Variants in ALX1 observed in about 807,000 individuals in gnomAD.
ALX1 encodes ALX homeobox 1, also known as ALX homeobox protein 1.
ALX1 carries 19 observed loss-of-function variants against 31.7 expected under a neutral mutation model. The ratio of observed to expected loss-of-function variants is 0.60; its 90% CI spans 0.42 to 0.88. The LOEUF is 0.88. Among genes scored for constraint, ALX1 ranks in the 40% least tolerant of loss-of-function variants. ALX1 has a pLI of 0.00. For missense variants in ALX1, 415 were observed against 407.8 expected (o/e 1.02, Z -0.15); for synonymous variants, 153 against 148.8 (o/e 1.03, Z -0.20).
chr12:85,301,232 C>T lies in ALX1; in HGVS notation c.738C>T (p.Ser246=). Residue 246 remains serine, a synonymous_variant, in exon 4 of 4, where the codon TCC becomes TCT. Transcript: ENST00000316824. The part of the protein sequence containing the change: ...VTSCMLPRDT[S]SCMTPYSHSP... ...CATGCATGTTACCACGTGACACTTC[C>T]TCCTGTATGACACCTTATTCTCACT... 1 of 1,613,966 alleles carries T rather than the reference C, an allele frequency of 6.2e-7. No individual in the cohort carries two copies. Among genetic ancestry groups the T allele is most frequent in the Non-Finnish European group, 8.5e-7 (1 of 1,179,940 alleles).
chr12:85,289,962 C>T (rs1346284132), intron 3 of ALX1, among the ~76,000 whole-genome samples: 3 of 150,746 alleles, frequency 2.0e-5, no homozygotes. Flanking sequence ...GATTTGGTGA[C>T]TGTTAATTAC....
At chr12:85,283,349 G>A (rs1248833210) in intron 1 of ALX1, among the ~76,000 whole-genome samples, 7 of 152,070 alleles carry the variant, frequency 4.6e-5, no homozygotes, top group South Asian at 2.1e-4. Context: ...ATAGAACTGC[G>A]GATTTTGGCA....
chr12:85,286,748 A>AT (rs1896753357), intron 2 of ALX1, 105 bp from the exon 3 acceptor site: 1 of 1,083,826 alleles, frequency 9.2e-7, no homozygotes, highest in African/African-American at 2.4e-5. Flanking sequence ...CTTTTTACGT[A>AT]ATTTTTTTAA....
intron 1 of ALX1, 42 bp downstream of exon 1, chr12:85,280,529 C>G (rs761123701): frequency 8.2e-6 from 13 of 1,593,704 alleles, no homozygotes; most frequent in African/African-American, 1.3e-5. Flanking sequence ...GCAGCCCTTC[C>G]GCAATCGAAA....
At chr12:85,296,691 A>G (rs1449335859) in intron 3 of ALX1, among the ~76,000 whole-genome samples, 1 of 151,624 alleles carries the variant, frequency 6.6e-6, no homozygotes, top group South Asian at 2.1e-4. Context: ...CCTTTTAAAC[A>G]CAACAAAGAA....
intron 3 of ALX1, among the ~76,000 whole-genome samples, chr12:85,300,634 G>A (rs980525312): frequency 2.6e-5 from 4 of 152,008 alleles, no homozygotes; most frequent in Admixed American, 2.6e-4. Flanking sequence ...AGCAATAGGA[G>A]GGCAAACATG....
intron 3 of ALX1, among the ~76,000 whole-genome samples, chr12:85,299,189 T>C (rs2137394358): frequency 6.6e-6 from 1 of 151,666 alleles, no homozygotes; most frequent in South Asian, 2.1e-4. Context: ...AAAGCTCTTT[T>C]ATCAGACATG....
At chr12:85,296,281 A>G (rs1049609540) in intron 3 of ALX1, among the ~76,000 whole-genome samples, 5 of 151,610 alleles carry the variant, frequency 3.3e-5, no homozygotes, top group African/African-American at 1.2e-4. Context: ...ATATATATCC[A>G]CAGTAAAAAA....
At position 85,301,286 on chromosome 12, in the gene ALX1, G is replaced by A. The variant is rs1175411052; in HGVS notation, c.792G>A (p.Gly264=). 14 of 1,613,968 alleles carry A rather than the reference G, an allele frequency of 8.7e-6. No individual in the cohort carries two copies. Among genetic ancestry groups the A allele is most frequent in the Admixed American group, 1.7e-5 (1 of 59,962 alleles). Residue 264 remains glycine, a synonymous_variant, in exon 4 of 4, where the codon GGG becomes GGA. Transcript: ENST00000316824. ...HSPRTDSSYT[G]FSNHQNQFSH... ...CTCGGACAGATTCCAGTTACACGGG[G>A]TTTTCAAACCACCAGAACCAGTTCA... is the stretch of plus-strand genomic sequence containing the variant.
rs537616276 is a variant in ALX1 at position 85,298,621 on chromosome 12, C to A, written c.661-2534C>A. ...GGGGAAGAAATAGATATTTTGAAAACAAGATAGATCAGTAAAAATGTGTGA... is the reference window on the plus strand; with the variant it reads ...GGGGAAGAAATAGATATTTTGAAAAAAAGATAGATCAGTAAAAATGTGTGA... On this transcript the variant is annotated intron_variant, in intron 3 of 3. Coordinates refer to ENST00000316824, the MANE Select transcript of ALX1 (RefSeq NM_006982.3). Among the ~76,000 whole-genome samples, 51 of 151,674 alleles carry A rather than the reference C, an allele frequency of 3.4e-4. 1 individual carries two copies. Among genetic ancestry groups the A allele is most frequent in the African/African-American group, 9.4e-4 (39 of 41,470 alleles).
intron 3 of ALX1, among the ~76,000 whole-genome samples, chr12:85,300,644 G>A (rs1202320865): frequency 6.6e-6 from 1 of 152,036 alleles, no homozygotes; most frequent in Non-Finnish European, 1.5e-5. Flanking sequence ...GGGCAAACAT[G>A]TTCCAGAATA....
intron 3 of ALX1, among the ~76,000 whole-genome samples, chr12:85,291,688 A>T (rs184358884): frequency 6.6e-6 from 1 of 151,134 alleles, no homozygotes. Flanking sequence ...TTATTTGTAA[A>T]ATGGAAGTAT....
chr12:85,280,692 G>A (rs71451002), intron 1 of ALX1, among the ~76,000 whole-genome samples: 1 of 152,330 alleles, frequency 6.6e-6, no homozygotes, highest in African/African-American at 2.4e-5. Context: ...GAGGGAGGGA[G>A]AGATCCAGCA....
At chr12:85,287,119 G>C in intron 3 of ALX1, 138 bp downstream of exon 3, 1 of 985,456 alleles carries the variant, frequency 1.0e-6, no homozygotes, top group African/African-American at 1.7e-5. Flanking sequence ...CATTCTTCAT[G>C]TCTGCTAAGT....
Position 85,280,398 on chromosome 12 carries a change from C to A in ALX1, c.137C>A (p.Ala46Glu), listed in dbSNP as rs764969720. The A allele has an allele frequency of 6.2e-7, 1 of 1,613,726 alleles. No homozygotes were observed. The highest frequency in any genetic ancestry group is 2.2e-5 in the East Asian group (1 of 44,866). The change falls in exon 1 of 4, where the codon GCA (alanine) becomes GAA (glutamate). Residue 46 changes from alanine to glutamate, a missense_variant. Coordinates refer to ENST00000316824, the MANE Select transcript of ALX1 (RefSeq NM_006982.3). ...GAGTCCTTTTACAGCAAAGCGTCTG[C>A]AGGCAAATGCGTGCAGGCCTTCGGA... ...DNESFYSKAS[A>E]GKCVQAFGPL... is the part of the protein sequence containing the mutation.
chr12:85,294,581 G>A (rs911102695), intron 3 of ALX1, among the ~76,000 whole-genome samples: 2 of 151,010 alleles, frequency 1.3e-5, no homozygotes, highest in African/African-American at 4.8e-5. Flanking sequence ...TGGACTTGGA[G>A]CATTTTTCAA....
At position 85,280,546 on chromosome 12, in the gene ALX1, G is replaced by C. The variant is rs1896656122; in HGVS notation, c.226+59G>C. The C allele has an allele frequency of 8.4e-6, 13 of 1,551,626 alleles. No individual in the cohort carries two copies. The South Asian group carries it at 9.0e-5, about 11-fold the overall frequency. On this transcript the variant is annotated intron_variant, in intron 1 of 3. Transcript: ENST00000316824. Reference sequence around the variant, plus strand: ...AGCCCTTCCGCAATCGAAAATGCAGGATCGGTCTGATCAGGCAGGGAGGGA... The same window carrying C: ...AGCCCTTCCGCAATCGAAAATGCAGCATCGGTCTGATCAGGCAGGGAGGGA...
chr12:85,283,701 T>A lies in ALX1; in HGVS notation c.356T>A (p.Leu119His), dbSNP rs148452184. 3 of 1,614,048 alleles carry A rather than the reference T, an allele frequency of 1.9e-6. No individual in the cohort carries two copies. Among genetic ancestry groups the A allele is most frequent in the African/African-American group, 2.7e-5 (2 of 74,926 alleles). ...GMQEKGELDE[L>H]GDKCDSNVSS... Reference sequence around the variant, plus strand: ...CAAGAGAAGGGAGAGCTGGATGAACTTGGGGATAAATGTGATAGCAATGTA... The same window carrying A: ...CAAGAGAAGGGAGAGCTGGATGAACATGGGGATAAATGTGATAGCAATGTA... Residue 119 changes from leucine (L) to histidine (H), a missense_variant, in exon 2 of 4, where the codon CTT becomes CAT. Physicochemically the swap from Leu to His is moderately conservative, Grantham distance 99. This residue lies in a region of ALX1 where 235 missense variants were observed against 208.9 expected (regional missense o/e 1.13). Coordinates refer to ENST00000316824, the MANE Select transcript of ALX1 (RefSeq NM_006982.3).
intron 3 of ALX1, among the ~76,000 whole-genome samples, chr12:85,299,308 C>T (rs117680723): frequency 3.3e-3 from 507 of 151,358 alleles, no homozygotes; most frequent in Admixed American, 4.9e-3. Flanking sequence ...CATTAGCAGC[C>T]CTCTTGTTGG....
Sources: allele counts gnomAD v4.1 joint callset (sites outside exome capture counted in the v4.1 genomes callset), GRCh38; gene constraint gnomAD v4.1.1; regional missense constraint gnomAD v4.1.1; transcripts MANE v1.5; gene names NCBI Gene and HGNC (gene_info 2026-07-23, HGNC 2026-07-21).